The following MEIS2 variants were observed in gnomAD, a reference collection of about 807,000 sequenced individuals.
MEIS2 encodes homeobox protein Meis2.
MEIS2 carries 9 observed loss-of-function variants against 58.6 expected under a neutral mutation model. The ratio of observed to expected loss-of-function variants is 0.15; its 90% confidence interval spans 0.09 to 0.27. The LOEUF (loss-of-function observed/expected upper bound fraction) is 0.27, where lower values mean the gene tolerates loss of function less well. Among genes scored for constraint, MEIS2 ranks in the 10% least tolerant of loss-of-function variants. The pLI is 1.00. For missense variants in MEIS2, 427 were observed against 635.0 expected (o/e 0.67, Z 3.52); for synonymous variants, 221 against 228.4 (o/e 0.97, Z 0.29).
chr15:36,920,884 T>A (rs2057479349), intron 9 of MEIS2, among the ~76,000 whole-genome samples: 1 of 152,138 alleles, frequency 6.6e-6, no homozygotes. Context: ...CTGACAAATA[T>A]GGGTGGAAGC....
rs748942972 is a variant in MEIS2, at chr15:36,892,191, C to T, written c.1416G>A (p.Met472Ile). 1.4e-5 allele frequency: 22 copies of T among 1,614,052 alleles called. No homozygotes were observed. In the Admixed American group the frequency reaches 2.5e-4, roughly 18 times the overall value. ...CCTTATACTATTGGGCATGAATGTC[C>T]ATAACCTGTCCGCCAACATTGGGAT... ...SVDPNVGGQV[M>I]DIHAQ Residue 472 changes from methionine (M) to isoleucine (I), a missense_variant, in exon 12 of 12, where the codon ATG becomes ATA. Met to Ile is a conservative substitution (Grantham distance 10, BLOSUM62 1). Transcript: ENST00000561208.
chr15:36,993,642 T>G (rs2060375448), intron 8 of MEIS2, among the ~76,000 whole-genome samples: 1 of 152,164 alleles, frequency 6.6e-6, no homozygotes, highest in Non-Finnish European at 1.5e-5. Context: ...AGGCTGTGTG[T>G]ATGTGCTGCA....
chr15:36,952,534 C>G (rs2058787209), intron 8 of MEIS2, among the ~76,000 whole-genome samples: 1 of 151,424 alleles, frequency 6.6e-6, no homozygotes, highest in Non-Finnish European at 1.5e-5. Context: ...TCACTGTTCA[C>G]TGTTGTGATG....
At chr15:36,916,960 T>C (rs541887430) in intron 9 of MEIS2, among the ~76,000 whole-genome samples, 1 of 152,204 alleles carries the variant, frequency 6.6e-6, no homozygotes, top group African/African-American at 2.4e-5. Context: ...AATTCACCAG[T>C]TAGTAAGTGG....
At chr15:36,953,205 T>C (rs1595797399) in intron 8 of MEIS2, among the ~76,000 whole-genome samples, 1 of 152,182 alleles carries the variant, frequency 6.6e-6, no homozygotes, top group East Asian at 1.9e-4. Flanking sequence ...TACAAATATA[T>C]GTATACATTT....
intron 6 of MEIS2, among the ~76,000 whole-genome samples, chr15:37,089,592 C>A (rs1439548809): frequency 6.6e-6 from 1 of 152,028 alleles, no homozygotes; most frequent in Admixed American, 6.6e-5. Flanking sequence ...GTTAGTAGAT[C>A]CAGGCAATTT....
intron 9 of MEIS2, among the ~76,000 whole-genome samples, chr15:36,937,357 C>T (rs2058213988): frequency 6.6e-6 from 1 of 152,070 alleles, no homozygotes; most frequent in Non-Finnish European, 1.5e-5. Context: ...AATTCAATAG[C>T]TTTTTGTGAA....
intron 8 of MEIS2, among the ~76,000 whole-genome samples, chr15:37,030,757 C>G (rs532710784): frequency 6.6e-6 from 1 of 151,958 alleles, no homozygotes; most frequent in South Asian, 2.1e-4. Flanking sequence ...GGCTCCACCT[C>G]ATACTGCCAA....
At chr15:36,969,133 T>C (rs554260579) in intron 8 of MEIS2, among the ~76,000 whole-genome samples, 7 of 152,212 alleles carry the variant, frequency 4.6e-5, no homozygotes, top group Non-Finnish European at 8.8e-5. Flanking sequence ...TAATGGGACA[T>C]TGTTGTATTT....
At chr15:36,967,369 A>T (rs371815951) in intron 8 of MEIS2, among the ~76,000 whole-genome samples, 114 of 152,330 alleles carry the variant, frequency 7.5e-4, no homozygotes, top group African/African-American at 2.5e-3. Flanking sequence ...TGGGACACAC[A>T]TAGAGGGAAG....
chr15:37,030,626 C>T lies in MEIS2; in HGVS notation c.900+6188G>A, dbSNP rs373453008. ...TGCTAGGATTACAGGCGTGAGTCAT[C>T]GCCCCCAGCCTGGATATTATTATTA... On this transcript the variant is annotated intron_variant, in intron 8 of 11. Coordinates refer to ENST00000561208, the MANE Select transcript of MEIS2 (RefSeq NM_170675.5). Among the ~76,000 whole-genome samples, 60 of 150,026 alleles carry T rather than the reference C, an allele frequency of 4.0e-4. No homozygotes were observed. In the East Asian group the frequency reaches 0.011, roughly 28 times the overall value.
In MEIS2 at chr15:37,093,745, A is replaced by G. The variant is rs1893840850; in HGVS notation, c.490-15T>C. 3.1e-6 allele frequency: 5 copies of G among 1,613,648 alleles called. No homozygotes were observed. Among genetic ancestry groups the G allele is most frequent in the Non-Finnish European group, 4.2e-6 (5 of 1,179,672 alleles). Reference sequence around the variant, plus strand: ...AGTTCGTGGACCTAGAACGAAGGTCATGGTGGAGGGTTTAGCTCATGTTGT... The same window carrying G: ...AGTTCGTGGACCTAGAACGAAGGTCGTGGTGGAGGGTTTAGCTCATGTTGT... On this transcript the variant is annotated splice_polypyrimidine_tract_variant and intron_variant, in intron 5 of 11. Coordinates refer to ENST00000561208, the MANE Select transcript of MEIS2 (RefSeq NM_170675.5).
intron 8 of MEIS2, among the ~76,000 whole-genome samples, chr15:36,959,404 A>T (rs1401379200): frequency 2.0e-5 from 3 of 152,144 alleles, no homozygotes; most frequent in Admixed American, 1.3e-4. Context: ...GTGCCTTGAG[A>T]GTAGAGACTG....
chr15:36,996,199 A>C (rs1304623050), intron 8 of MEIS2, among the ~76,000 whole-genome samples: 2 of 151,906 alleles, frequency 1.3e-5, no homozygotes, highest in Non-Finnish European at 2.9e-5. Context: ...ACTAAAACAA[A>C]CAGCAATGAA....
chr15:37,095,672 A>C, intron 3 of MEIS2, 58 bp from the exon 4 acceptor site: 1 of 1,613,104 alleles, frequency 6.2e-7, no homozygotes, highest in Non-Finnish European at 8.5e-7. Context: ...AGAAAGCTGA[A>C]ATGTGAGAAT....
At chr15:37,018,210 T>TA (rs1207838283) in intron 8 of MEIS2, among the ~76,000 whole-genome samples, 12 of 152,194 alleles carry the variant, frequency 7.9e-5, no homozygotes, top group African/African-American at 2.9e-4. Flanking sequence ...ATATGTGGAA[T>TA]AAAAAATCCA....
intron 8 of MEIS2, among the ~76,000 whole-genome samples, chr15:36,987,268 C>T (rs935279197): frequency 6.6e-6 from 1 of 151,972 alleles, no homozygotes; most frequent in Non-Finnish European, 1.5e-5. Flanking sequence ...ATTAGCCAGG[C>T]TTGGTGGTAC....
intron 9 of MEIS2, among the ~76,000 whole-genome samples, chr15:36,949,829 C>A (rs1378959972): frequency 6.6e-6 from 1 of 151,920 alleles, no homozygotes; most frequent in African/African-American, 2.4e-5. Context: ...AATGGAAAAA[C>A]CTTTTCTCCT....
chr15:36,995,747 AAAG>A (rs1295156848), intron 8 of MEIS2, among the ~76,000 whole-genome samples: 13 of 3,132 alleles, frequency 4.2e-3, no homozygotes, highest in East Asian at 0.029. Context: ...AAAAGAAAAG[AAAG>A]AAAGAAAGAA....
Sources: gnomAD v4.1 joint callset for allele counts (sites outside exome capture counted in the v4.1 genomes callset) on GRCh38, gnomAD v4.1.1 for gene constraint, MANE v1.5 for transcripts, NCBI Gene and HGNC (gene_info 2026-07-23, HGNC 2026-07-21) for gene names.